The following FLACC1 variants were observed in gnomAD, a reference collection of about 807,000 sequenced individuals.
FLACC1 encodes flagellum associated containing coiled-coil domains 1.
FLACC1 carries 66 observed loss-of-function variants against 62.8 expected under a neutral mutation model. That is an observed-to-expected ratio of 1.05 (90% CI 0.86 to 1.29). The LOEUF (loss-of-function observed/expected upper bound fraction) is 1.29. Ranked by LOEUF, FLACC1 falls within the 50% of genes most tolerant of loss-of-function variation. The pLI, the probability that FLACC1 is intolerant of heterozygous loss-of-function variation, is 0.00. For synonymous variants in FLACC1, 156 were observed against 161.0 expected (o/e 0.97, Z 0.24); for missense variants, 452 against 489.1 (o/e 0.92, Z 0.71).
At chr2:201,310,262 A>T (rs1950193436) in intron 9 of FLACC1, among the ~76,000 whole-genome samples, 1 of 147,970 alleles carries the variant, frequency 6.8e-6, no homozygotes, top group African/African-American at 2.5e-5. Flanking sequence ...TGAATATACC[A>T]AGGAGTATCT....
chr2:201,334,246 C>G (rs1950650578), intron 7 of FLACC1, among the ~76,000 whole-genome samples: 1 of 152,278 alleles, frequency 6.6e-6, no homozygotes, highest in Non-Finnish European at 1.5e-5. Flanking sequence ...TTTTGTCCTT[C>G]ATTCTATTAA....
At chr2:201,331,131 T>C (rs910952527) in intron 7 of FLACC1, among the ~76,000 whole-genome samples, 3 of 151,434 alleles carry the variant, frequency 2.0e-5, no homozygotes, top group African/African-American at 7.3e-5. Context: ...ACCATGCTCA[T>C]CTAATTTTTT....
At chr2:201,332,087 A>ACTG (rs1425336500) in intron 7 of FLACC1, among the ~76,000 whole-genome samples, 1 of 152,122 alleles carries the variant, frequency 6.6e-6, no homozygotes, top group Non-Finnish European at 1.5e-5. Context: ...CTCAGCTAAG[A>ACTG]GTGCTGTCTC....
chr2:201,293,995 A>G lies in FLACC1; in HGVS notation c.943-4210T>C, dbSNP rs189805840. ...AGGAAGAAGTTGAATCCCTGAATAG[A>G]CCAATAACAGGCTCTGAAATTGAGG... On this transcript the variant is annotated intron_variant, in intron 12 of 14. Coordinates refer to ENST00000392257, the MANE Select transcript of FLACC1 (RefSeq NM_001127391.3). 2.6e-5 allele frequency among the ~76,000 whole-genome samples: 4 copies of G among 152,314 alleles called. No homozygotes were observed. The East Asian group carries it at 7.7e-4, about 29-fold the overall frequency.
upstream of FLACC1, among the ~76,000 whole-genome samples, chr2:201,358,009 T>C (rs1353984543): frequency 6.6e-6 from 1 of 152,236 alleles, no homozygotes; most frequent in Admixed American, 6.5e-5. Flanking sequence ...TTAAAGCTGA[T>C]TATAATCCAC....
At position 201,342,498 on chromosome 2, in the gene FLACC1, T is replaced by C. The variant is rs1377684721; in HGVS notation, c.463-67A>G. ...CTGTCCCATTCTGATCTGCACCTTC[T>C]GAAAAGCCTTCCAATTTATGGGGCA... On this transcript the variant is annotated intron_variant, in intron 6 of 14. Coordinates refer to ENST00000392257, the MANE Select transcript of FLACC1 (RefSeq NM_001127391.3). The C allele has an allele frequency of 2.6e-6, 4 of 1,523,444 alleles. No individual in the cohort carries two copies. In the African/African-American group the frequency reaches 4.1e-5, roughly 16 times the overall value. The allele number at this position is 1,523,444 out of a possible 1,614,324, so 94.4% of individuals were successfully genotyped here. A position where few individuals can be genotyped will look rare whatever the true frequency, so the allele number is the denominator to read the frequency against.
chr2:201,333,866 C>T (rs566570823), intron 7 of FLACC1, among the ~76,000 whole-genome samples: 3,182 of 152,180 alleles, frequency 0.021, 46 homozygotes, highest in Middle Eastern at 0.044. Flanking sequence ...AATAAACATA[C>T]GTGTGCATGT....
intron 9 of FLACC1, among the ~76,000 whole-genome samples, chr2:201,317,353 T>G (rs1374622455): frequency 1.3e-5 from 2 of 152,174 alleles, no homozygotes; most frequent in Admixed American, 1.3e-4. Context: ...CAGTAAAGTT[T>G]CCAGATACAA....
At chr2:201,308,373 G>T (rs965590124) in intron 10 of FLACC1, among the ~76,000 whole-genome samples, 1 of 152,166 alleles carries the variant, frequency 6.6e-6, no homozygotes, top group African/African-American at 2.4e-5. Flanking sequence ...TAACTCCGGG[G>T]TCTTCATATT....
chr2:201,312,909 A>G (rs1950242918), intron 9 of FLACC1, among the ~76,000 whole-genome samples: 1 of 152,206 alleles, frequency 6.6e-6, no homozygotes, highest in African/African-American at 2.4e-5. Context: ...TGGAAGTAGG[A>G]AAGGGGGATT....
intron 12 of FLACC1, among the ~76,000 whole-genome samples, chr2:201,294,642 A>G (rs1180899885): frequency 6.6e-6 from 1 of 152,216 alleles, no homozygotes; most frequent in Non-Finnish European, 1.5e-5. Flanking sequence ...CACCACTCCC[A>G]TTCAACATAG....
Position 201,322,802 on chromosome 2 carries a change from G to A in FLACC1, c.675+7668C>T, listed in dbSNP as rs376387308. 6.2e-4 allele frequency among the ~76,000 whole-genome samples: 95 copies of A among 152,182 alleles called. 2 individuals carry two copies. The South Asian group carries it at 0.02, about 31-fold the overall frequency. On this transcript the variant is annotated intron_variant, in intron 9 of 14. Coordinates refer to ENST00000392257, the MANE Select transcript of FLACC1 (RefSeq NM_001127391.3). The stretch of plus-strand genomic sequence containing the variant: ...GGTCAATTATTAAGCTACTCAAGGA[G>A]ATTTCAGAGAAAGATGAAAACTATT...
chr2:201,306,621 C>A (rs1043845574), intron 11 of FLACC1, among the ~76,000 whole-genome samples: 1 of 151,932 alleles, frequency 6.6e-6, no homozygotes, highest in African/African-American at 2.4e-5. Context: ...TTGGAATAGG[C>A]AATGATTTTA....
intron 5 of FLACC1, among the ~76,000 whole-genome samples, chr2:201,345,480 GTGTGTA>G (rs774213333): frequency 7.8e-4 from 110 of 141,538 alleles, no homozygotes; most frequent in African/African-American, 2.4e-3. Flanking sequence ...GTGTGTGTGT[GTGTGTA>G]TGTGTGTGTG....
At chr2:201,329,596 A>T (rs2125591776) in intron 9 of FLACC1, among the ~76,000 whole-genome samples, 1 of 152,366 alleles carries the variant, frequency 6.6e-6, no homozygotes, top group South Asian at 2.1e-4. Flanking sequence ...TATACCATGG[A>T]ATACTATGCA....
rs562428017 is a variant in FLACC1 at position 201,304,760 on chromosome 2, G to A, written c.879+2759C>T. Among the ~76,000 whole-genome samples, 195 of 152,206 alleles carry A rather than the reference G, an allele frequency of 1.3e-3. 1 individual carries two copies. The highest frequency in any genetic ancestry group is 4.3e-3 in the African/African-American group (178 of 41,512). On this transcript the variant is annotated intron_variant, in intron 11 of 14. Transcript: ENST00000392257. ...ATATAGACCAATGGAACAGAACAGA[G>A]CCCTCAAAAATAATACCACGCATCT...
chr2:201,353,153 T>C (rs537113016), intron 1 of FLACC1, among the ~76,000 whole-genome samples: 6 of 152,204 alleles, frequency 3.9e-5, no homozygotes, highest in South Asian at 2.1e-4. Context: ...AATAGAAACA[T>C]AGAAACCTAA....
chr2:201,343,886 C>A (rs1950861097), intron 6 of FLACC1, among the ~76,000 whole-genome samples: 1 of 152,216 alleles, frequency 6.6e-6, no homozygotes, highest in South Asian at 2.1e-4. Context: ...CAAGTGCACC[C>A]TAGTGTGAGG....
intron 9 of FLACC1, among the ~76,000 whole-genome samples, chr2:201,324,021 A>C (rs1323476161): frequency 6.6e-6 from 1 of 152,150 alleles, no homozygotes; most frequent in East Asian, 1.9e-4. Context: ...TTAATGTTGA[A>C]TGTAAATGGC....
Sources: gnomAD v4.1 joint callset for allele counts (sites outside exome capture counted in the v4.1 genomes callset) on GRCh38, gnomAD v4.1.1 for gene constraint, MANE v1.5 for transcripts, NCBI Gene and HGNC (gene_info 2026-07-23, HGNC 2026-07-21) for gene names.